The following PIAS1 variants were observed in gnomAD, a reference collection of about 807,000 sequenced individuals.
PIAS1 encodes E3 SUMO-protein ligase PIAS1.
Under a neutral mutation model 71.3 loss-of-function variants are expected in PIAS1, and 6 were observed. The observed-to-expected ratio is 0.08, with a 90% CI of 0.05 to 0.17. PIAS1 has a LOEUF of 0.17. Ranked by LOEUF, PIAS1 falls within the 10% of genes least tolerant of loss-of-function variation. PIAS1 has a pLI of 1.00. For missense variants in PIAS1, 555 were observed against 793.6 expected (o/e 0.70, Z 3.61); for synonymous variants, 303 against 292.9 (o/e 1.03, Z -0.35).
In PIAS1 at chr15:68,135,398, C is replaced by T. The variant is rs1199959748; in HGVS notation, c.470-6548C>T. ...CCCCACACCGCCCTCCCAGACGGGG[C>T]GGCTGGCCGGGCAGAGGGGCTCCCC... On this transcript the variant is annotated intron_variant, in intron 2 of 13. Coordinates refer to ENST00000249636, the MANE Select transcript of PIAS1 (RefSeq NM_016166.3). 4.4e-4 allele frequency among the ~76,000 whole-genome samples: 18 copies of T among 41,058 alleles called. 6 individuals carry two copies. Among genetic ancestry groups the T allele is most frequent in the Admixed American group, 7.3e-4 (4 of 5,454 alleles). The allele number at this position is 41,058 out of a possible 152,430, so 26.9% of individuals were successfully genotyped here. A position where few individuals can be genotyped will look rare whatever the true frequency, so the allele number is the denominator to read the frequency against.
intron 6 of PIAS1, among the ~76,000 whole-genome samples, chr15:68,151,939 ATTTT>A (rs1201017658): frequency 1.5e-5 from 1 of 68,198 alleles, no homozygotes; most frequent in Non-Finnish European, 2.5e-5. Flanking sequence ...AAATTTAGGA[ATTTT>A]TTTTTTTTTT....
intron 1 of PIAS1, among the ~76,000 whole-genome samples, chr15:68,084,905 G>A (rs543837874): frequency 6.6e-6 from 1 of 152,286 alleles, no homozygotes; most frequent in South Asian, 2.1e-4. Flanking sequence ...CAAGGCTAAT[G>A]GCCAAAGGCT....
intron 8 of PIAS1, among the ~76,000 whole-genome samples, chr15:68,170,162 C>G (rs1033401314): frequency 1.3e-5 from 2 of 152,126 alleles, no homozygotes; most frequent in Non-Finnish European, 2.9e-5. Flanking sequence ...GGAGGAGACA[C>G]ACATAAATAA....
intron 1 of PIAS1, among the ~76,000 whole-genome samples, chr15:68,071,101 C>T (rs1208987466): frequency 2.0e-5 from 3 of 152,012 alleles, no homozygotes; most frequent in Non-Finnish European, 4.4e-5. Context: ...TGGCAGAATC[C>T]TTTGGGAGAG....
chr15:68,148,355 G>A (rs528647988), intron 6 of PIAS1, among the ~76,000 whole-genome samples: 106 of 152,296 alleles, frequency 7.0e-4, no homozygotes, highest in African/African-American at 2.5e-3. Flanking sequence ...AGTGGTATAT[G>A]AGATGTGGCT....
At chr15:68,123,856 G>A (rs146022028) in intron 2 of PIAS1, among the ~76,000 whole-genome samples, 2 of 152,254 alleles carry the variant, frequency 1.3e-5, no homozygotes, top group Non-Finnish European at 2.9e-5. Flanking sequence ...ATGCTTCATT[G>A]TAAATGATAA....
chr15:68,183,497 C>T (rs1387893523), intron 12 of PIAS1, 133 bp from the exon 13 acceptor site: 4 of 579,516 alleles, frequency 6.9e-6, no homozygotes, highest in Non-Finnish European at 1.3e-5. Context: ...ACGTTTAGCT[C>T]AACTCTTCAT....
Position 68,086,695 on chromosome 15 carries a change from T to G in PIAS1, c.414T>G (p.Leu138=), listed in dbSNP as rs778089895. 1 of 1,613,428 alleles carries G rather than the reference T, an allele frequency of 6.2e-7. No homozygotes were observed. The highest frequency in any genetic ancestry group is 1.1e-5 in the South Asian group (1 of 91,066). Reference sequence around the variant, plus strand: ...ACCCAGTCCATCCGGATATAAAACTTCAAAAATTACCATTTTATGATTTAC... The same window carrying G: ...ACCCAGTCCATCCGGATATAAAACTGCAAAAATTACCATTTTATGATTTAC... ...ALHPVHPDIK[L]QKLPFYDLLD... is the part of the protein sequence containing the mutation. Residue 138 remains leucine (L), a synonymous_variant, in exon 2 of 14, where the codon CTT becomes CTG. Coordinates refer to ENST00000249636, the MANE Select transcript of PIAS1 (RefSeq NM_016166.3). This position sits in a 1 kb window ranked among gnomAD's most constrained non-coding sequence, Gnocchi z 7.2.
At chr15:68,067,650 A>G (rs1322750755) in intron 1 of PIAS1, among the ~76,000 whole-genome samples, 2 of 152,084 alleles carry the variant, frequency 1.3e-5, no homozygotes, top group Non-Finnish European at 2.9e-5. Context: ...TTGAATTAAG[A>G]TTTATATTGA....
At chr15:68,128,769 G>A (rs1241324627) in intron 2 of PIAS1, among the ~76,000 whole-genome samples, 2 of 152,128 alleles carry the variant, frequency 1.3e-5, no homozygotes, top group African/African-American at 4.8e-5. Context: ...AATGGACGCA[G>A]TATCCAAAAT....
chr15:68,076,062 G>T (rs747829648), intron 1 of PIAS1, among the ~76,000 whole-genome samples: 3 of 152,070 alleles, frequency 2.0e-5, no homozygotes, highest in Non-Finnish European at 4.4e-5. Flanking sequence ...GAGATTACAG[G>T]CGTGAGCCAC....
intron 1 of PIAS1, among the ~76,000 whole-genome samples, chr15:68,075,697 T>G (rs1289106876): frequency 1.3e-5 from 2 of 152,160 alleles, no homozygotes; most frequent in Non-Finnish European, 2.9e-5. Flanking sequence ...AAGCTGTCAT[T>G]GCAAGACCTG....
intron 2 of PIAS1, among the ~76,000 whole-genome samples, chr15:68,139,929 T>A (rs1037110236): frequency 7.2e-5 from 11 of 152,188 alleles, no homozygotes; most frequent in African/African-American, 2.7e-4. Context: ...TTGAAAGGGC[T>A]AATGGTAGCT....
intron 2 of PIAS1, among the ~76,000 whole-genome samples, chr15:68,114,280 T>G (rs1332802892): frequency 3.9e-5 from 6 of 152,118 alleles, no homozygotes; most frequent in African/African-American, 1.4e-4. Flanking sequence ...TAATATTTTA[T>G]GACTGTATTC....
In PIAS1 at chr15:68,192,785, C is replaced by T. The variant is rs2093126368; in HGVS notation, c.*4950C>T. On this transcript the variant is annotated 3_prime_UTR_variant, in exon 14 of 14. Coordinates refer to ENST00000249636, the MANE Select transcript of PIAS1 (RefSeq NM_016166.3). Reference sequence around the variant, plus strand: ...CTTTAGCCACTGTGGTACTACTAGACAAAGCCACAGCCCAGAGAACCCACT... The same window carrying T: ...CTTTAGCCACTGTGGTACTACTAGATAAAGCCACAGCCCAGAGAACCCACT... 6.6e-6 allele frequency: 1 copy of T among 152,232 alleles called. No homozygotes were observed. The highest frequency in any genetic ancestry group is 2.4e-5 in the African/African-American group (1 of 41,434). 9.4% of individuals were successfully genotyped at this position (152,232 alleles called of 1,614,324 possible).
chr15:68,153,538 T>C, intron 6 of PIAS1, 52 bp from the exon 7 acceptor site: 3 of 782,202 alleles, frequency 3.8e-6, no homozygotes, highest in Non-Finnish European at 6.6e-6. Flanking sequence ...TTAAAATAGA[T>C]GTACTATTTA....
At chr15:68,057,665 G>C in intron 1 of PIAS1, 1 of 243,512 alleles carries the variant, frequency 4.1e-6, no homozygotes, top group South Asian at 4.1e-5. Context: ...TAATTTGTCT[G>C]CTTTTATTTC....
rs1335027948 is a variant in PIAS1, at chr15:68,171,845, C to G, written c.1009-1887C>G. On this transcript the variant is annotated intron_variant, in intron 8 of 13. Coordinates refer to ENST00000249636, the MANE Select transcript of PIAS1 (RefSeq NM_016166.3). This position sits in a 1 kb window ranked among gnomAD's most constrained non-coding sequence, Gnocchi z 4.4. ...TTCCCTGAAATTGATCTAAGTAAGC[C>G]AAGAATCTTTTCCTCATTTAACTCA... is the stretch of plus-strand genomic sequence containing the variant. Among the ~76,000 whole-genome samples the G allele has an allele frequency of 6.6e-6, 1 of 151,826 alleles. No homozygotes were observed. Among genetic ancestry groups the G allele is most frequent in the Non-Finnish European group, 1.5e-5 (1 of 67,968 alleles).
At chr15:68,056,117 A>G (rs1008504563) in intron 1 of PIAS1, among the ~76,000 whole-genome samples, 1 of 152,226 alleles carries the variant, frequency 6.6e-6, no homozygotes, top group South Asian at 2.1e-4. Context: ...CATGTTTTCT[A>G]TAATTTTTCT....
Sources: allele counts gnomAD v4.1 joint callset (sites outside exome capture counted in the v4.1 genomes callset), GRCh38; gene constraint gnomAD v4.1.1; non-coding constraint Gnocchi (gnomAD v3.1); transcripts MANE v1.5; gene names NCBI Gene and HGNC (gene_info 2026-07-23, HGNC 2026-07-21).